PRIM2: variants seen among roughly 807,000 people sequenced by gnomAD.
PRIM2 encodes DNA primase large subunit.
Under a neutral mutation model 67.3 loss-of-function variants are expected in PRIM2, and 39 were observed. That is an observed-to-expected ratio of 0.58 (90% CI 0.45 to 0.76). The LOEUF (loss-of-function observed/expected upper bound fraction) is 0.76, where lower values mean the gene tolerates loss of function less well. Among genes scored for constraint, PRIM2 ranks in the 30% least tolerant of loss-of-function variants. The pLI is 0.00. For synonymous variants in PRIM2, 143 were observed against 198.7 expected (o/e 0.72, Z 2.36); for missense variants, 398 against 598.7 (o/e 0.66, Z 3.50).
intron 7 of PRIM2, among the ~76,000 whole-genome samples, chr6:57,387,870 T>C (rs1770202364): frequency 6.6e-6 from 1 of 151,472 alleles, no homozygotes; most frequent in Non-Finnish European, 1.5e-5. Flanking sequence ...TTACAAAGCT[T>C]ATATTCTAGT....
intron 5 of PRIM2, among the ~76,000 whole-genome samples, chr6:57,339,273 A>G (rs1768384289): frequency 6.6e-6 from 1 of 152,230 alleles, no homozygotes; most frequent in Non-Finnish European, 1.5e-5. Flanking sequence ...GAAAACGGCC[A>G]TACTGCCCAA....
At chr6:57,425,739 C>G (rs1771600857) in intron 7 of PRIM2, among the ~76,000 whole-genome samples, 1 of 152,012 alleles carries the variant, frequency 6.6e-6, no homozygotes, top group South Asian at 2.1e-4. Context: ...TTAGAAGGTA[C>G]TTACAGGAGG....
In PRIM2 at chr6:57,394,961, A is replaced by T. The variant is rs557840122; in HGVS notation, c.693+12793A>T. On this transcript the variant is annotated intron_variant, in intron 7 of 13. Transcript: ENST00000615550. ...TTTAATTCTGTGTATGTGGTGTATC[A>T]CATTTATTGACTTGCATATGTTAAA... 5.3e-5 allele frequency among the ~76,000 whole-genome samples: 8 copies of T among 152,314 alleles called. No homozygotes were observed. In the South Asian group the frequency reaches 1.7e-3, roughly 32 times the overall value.
In PRIM2 at chr6:57,334,879, A is replaced by G. The variant is rs141166671; in HGVS notation, c.459+8834A>G. ...AAAAAAATGGTTTTGGAATAGGAAC[A>G]GCTCCGGTCTACAGCTCCCAGCGTG... On this transcript the variant is annotated intron_variant, in intron 5 of 13. Coordinates refer to ENST00000615550, the MANE Select transcript of PRIM2 (RefSeq NM_000947.5). Among the ~76,000 whole-genome samples, 4 of 152,354 alleles carry G rather than the reference A, an allele frequency of 2.6e-5. No individual in the cohort carries two copies. In the East Asian group the frequency reaches 5.8e-4, roughly 22 times the overall value.
intron 7 of PRIM2, chr6:57,505,431 T>C (rs1363621090): frequency 2.6e-5 from 4 of 152,132 alleles, no homozygotes; most frequent in African/African-American, 4.8e-5. Context: ...TGTGCTGTCA[T>C]TGTGTTTTGT....
chr6:57,390,326 A>G (rs1770292092), intron 7 of PRIM2: 1 of 152,784 alleles, frequency 6.5e-6, no homozygotes, highest in Non-Finnish European at 1.5e-5. Flanking sequence ...TTTGTGAGAT[A>G]CTGGTTTGTT....
chr6:57,477,726 G>T (rs1447499008), intron 7 of PRIM2, among the ~76,000 whole-genome samples: 2 of 152,168 alleles, frequency 1.3e-5, no homozygotes, highest in African/African-American at 2.4e-5. Context: ...GTAGACAGGA[G>T]GTTATAGTAG....
chr6:57,500,328 C>A (rs1248849100), intron 7 of PRIM2, among the ~76,000 whole-genome samples: 1 of 152,172 alleles, frequency 6.6e-6, no homozygotes, highest in African/African-American at 2.4e-5. Flanking sequence ...AGTTTTCACT[C>A]TCTGCCTCTC....
intron 8 of PRIM2, among the ~76,000 whole-genome samples, chr6:57,527,167 G>A (rs1442348798): frequency 6.6e-6 from 1 of 152,050 alleles, no homozygotes; most frequent in Non-Finnish European, 1.5e-5. Context: ...TTCTGTCAAT[G>A]TTTCATTATT....
intron 5 of PRIM2, among the ~76,000 whole-genome samples, chr6:57,370,586 A>G (rs1769514004): frequency 6.6e-6 from 1 of 152,088 alleles, no homozygotes; most frequent in Non-Finnish European, 1.5e-5. Context: ...GCCATGAAAC[A>G]GGAAGTGACA....
At chr6:57,367,298 CTT>C (rs1769392048) in intron 5 of PRIM2, among the ~76,000 whole-genome samples, 1 of 152,046 alleles carries the variant, frequency 6.6e-6, no homozygotes, top group Non-Finnish European at 1.5e-5. Flanking sequence ...ATTTTTGTCT[CTT>C]TGTTAAAGAT....
chr6:57,532,720 G>T (rs1448783423), intron 9 of PRIM2, among the ~76,000 whole-genome samples: 1 of 152,042 alleles, frequency 6.6e-6, no homozygotes, highest in African/African-American at 2.4e-5. Flanking sequence ...TTCCAAACAG[G>T]AATTCTTTTA....
chr6:57,392,647 T>C lies in PRIM2; in HGVS notation c.693+10479T>C, dbSNP rs943450847. Among the ~76,000 whole-genome samples the C allele has an allele frequency of 2.0e-5, 3 of 151,944 alleles. No individual in the cohort carries two copies. The East Asian group carries it at 5.8e-4, about 29-fold the overall frequency. ...GAGAAGGAAAATATTCGTTTTTTTTTTGTGGATATCCAAATTTTTATTTAT... is the reference window on the plus strand; with the variant it reads ...GAGAAGGAAAATATTCGTTTTTTTTCTGTGGATATCCAAATTTTTATTTAT... On this transcript the variant is annotated intron_variant, in intron 7 of 13. Transcript: ENST00000615550.
chr6:57,419,782 T>C (rs1771403319), intron 7 of PRIM2, among the ~76,000 whole-genome samples: 1 of 152,184 alleles, frequency 6.6e-6, no homozygotes, highest in Non-Finnish European at 1.5e-5. Flanking sequence ...TTTTTTTTAA[T>C]AAATAAAATG....
chr6:57,430,600 C>T (rs1443345683), intron 7 of PRIM2, among the ~76,000 whole-genome samples: 1 of 151,488 alleles, frequency 6.6e-6, no homozygotes, highest in Non-Finnish European at 1.5e-5. Context: ...ACTACAGGTG[C>T]CCACCACCAT....
chr6:57,563,842 G>A (rs1413956248), intron 10 of PRIM2, among the ~76,000 whole-genome samples: 4 of 152,236 alleles, frequency 2.6e-5, no homozygotes, highest in African/African-American at 9.6e-5. Flanking sequence ...TGTATTTTTA[G>A]TAGAGACAGG....
At chr6:57,525,910 C>T (rs1774740503) in intron 8 of PRIM2, among the ~76,000 whole-genome samples, 1 of 152,148 alleles carries the variant, frequency 6.6e-6, no homozygotes, top group African/African-American at 2.4e-5. Flanking sequence ...GGGGGTTGTA[C>T]AGGGATTCCT....
At chr6:57,512,210 T>G (rs1774386811) in intron 8 of PRIM2, among the ~76,000 whole-genome samples, 1 of 152,176 alleles carries the variant, frequency 6.6e-6, no homozygotes, top group Admixed American at 6.5e-5. Flanking sequence ...TGTGGAAATA[T>G]AGGGAGTAGG....
At position 57,320,566 on chromosome 6, in the gene PRIM2, T is replaced by TA; in HGVS notation, c.258+12dup. On this transcript the variant is annotated splice_region_variant and intron_variant, in intron 3 of 13. Transcript: ENST00000615550. ...AGCTCAAGTTTTCCTACAGAGTAAGTAAAAAAGGAAAAAAAAGTTCCTTCA... is the reference window on the plus strand; with the variant it reads ...AGCTCAAGTTTTCCTACAGAGTAAGTAAAAAAAGGAAAAAAAAGTTCCTTCA... The TA allele has an allele frequency of 6.4e-7, 1 of 1,571,782 alleles. No homozygotes were observed.
Sources: allele counts gnomAD v4.1 joint callset (sites outside exome capture counted in the v4.1 genomes callset), GRCh38; gene constraint gnomAD v4.1.1; transcripts MANE v1.5; gene names NCBI Gene and HGNC (gene_info 2026-07-23, HGNC 2026-07-21).